KCNIP4: variants seen among roughly 807,000 people sequenced by gnomAD.
The protein encoded by KCNIP4 is Kv channel-interacting protein 4.
KCNIP4 carries 12 observed loss-of-function variants against 34.0 expected under a neutral mutation model. The ratio of observed to expected loss-of-function variants is 0.35; its 90% CI spans 0.23 to 0.57. The LOEUF is 0.57. Among genes scored for constraint, KCNIP4 ranks in the 20% least tolerant of loss-of-function variants. The probability of loss-of-function intolerance (pLI) is 0.83; values close to 1 mark genes in which losing one functional copy is unlikely to be tolerated. For missense variants in KCNIP4, 238 were observed against 311.7 expected, an observed-to-expected ratio of 0.76 and a Z score of 1.78; for synonymous variants, 124 against 102.2, an observed-to-expected ratio of 1.21 and a Z score of -1.29.
chr4:21,221,458 A>G (rs972429219), intron 1 of KCNIP4, among the ~76,000 whole-genome samples: 1 of 152,158 alleles, frequency 6.6e-6, no homozygotes, highest in Non-Finnish European at 1.5e-5. Flanking sequence ...GAAGCAAGGC[A>G]CCTTCTTCAC....
At chr4:21,071,562 A>T (rs1236767403) in intron 1 of KCNIP4, among the ~76,000 whole-genome samples, 3 of 152,136 alleles carry the variant, frequency 2.0e-5, no homozygotes. Context: ...ATTGTAGTAT[A>T]CTTGGCTGTC....
chr4:21,146,437 T>C (rs1337122740), intron 1 of KCNIP4, among the ~76,000 whole-genome samples: 1 of 152,116 alleles, frequency 6.6e-6, no homozygotes, highest in Non-Finnish European at 1.5e-5. Context: ...ATAAGAATTA[T>C]TCAGATTCTA....
chr4:21,834,852 A>C (rs1723222347), intron 1 of KCNIP4, among the ~76,000 whole-genome samples: 2 of 152,258 alleles, frequency 1.3e-5, no homozygotes, highest in South Asian at 4.1e-4. Context: ...TGAGATAATC[A>C]TGTGGTTTTT....
chr4:21,733,157 T>A (rs1021059103), intron 1 of KCNIP4, among the ~76,000 whole-genome samples: 4 of 152,162 alleles, frequency 2.6e-5, no homozygotes, highest in Non-Finnish European at 4.4e-5. Context: ...CTTCTCTTCA[T>A]TTTTTATGCG....
intron 1 of KCNIP4, among the ~76,000 whole-genome samples, chr4:21,117,818 C>T (rs1053594121): frequency 6.6e-6 from 1 of 152,044 alleles, no homozygotes; most frequent in Admixed American, 6.6e-5. Context: ...GGAGCCTCAG[C>T]GCTACAGGCA....
intron 1 of KCNIP4, among the ~76,000 whole-genome samples, chr4:21,723,976 G>A (rs34945659): frequency 0.091 from 13,845 of 152,010 alleles, 661 homozygotes; most frequent in Middle Eastern, 0.17. Flanking sequence ...ATAGCAGAGG[G>A]GGAGGAGCAA....
At chr4:21,618,630 C>CTTTTTTTTTTTTTTTTTTT (rs58967707) in intron 1 of KCNIP4, among the ~76,000 whole-genome samples, 4 of 81,786 alleles carry the variant, frequency 4.9e-5, no homozygotes, top group African/African-American at 9.9e-5. Flanking sequence ...TTTTCTTTTT[C>CTTTTTTTTTTTTTTTTTTT]TTTTTTTTTT....
chr4:21,519,734 A>ACACACGTGTGTGTG (rs1735307302), intron 1 of KCNIP4, among the ~76,000 whole-genome samples: 1 of 115,742 alleles, frequency 8.6e-6, no homozygotes, highest in Non-Finnish European at 1.7e-5. Context: ...ACGTGTGTAT[A>ACACACGTGTGTGTG]TGTATGATAC....
At chr4:21,279,750 G>A (rs1762663631) in intron 1 of KCNIP4, among the ~76,000 whole-genome samples, 2 of 151,914 alleles carry the variant, frequency 1.3e-5, no homozygotes, top group Non-Finnish European at 2.9e-5. Flanking sequence ...AATATCCTTG[G>A]CTAAGTCACG....
chr4:21,003,671 A>G (rs1010400739), intron 1 of KCNIP4, among the ~76,000 whole-genome samples: 2 of 152,222 alleles, frequency 1.3e-5, no homozygotes, highest in African/African-American at 4.8e-5. Flanking sequence ...AGTGGCAGAA[A>G]TATGGTTGGA....
At chr4:20,781,549 A>G (rs964555411) in intron 3 of KCNIP4, among the ~76,000 whole-genome samples, 1 of 152,198 alleles carries the variant, frequency 6.6e-6, no homozygotes, top group African/African-American at 2.4e-5. Context: ...CACTTCTTAC[A>G]TGGTGGCAGC....
chr4:21,727,280 T>A (rs1033778154), intron 1 of KCNIP4, among the ~76,000 whole-genome samples: 1 of 152,124 alleles, frequency 6.6e-6, no homozygotes, highest in African/African-American at 2.4e-5. Flanking sequence ...CCTTCTACCA[T>A]GTGAGGACAT....
In KCNIP4 at chr4:20,868,758, T is replaced by C. The variant is rs374409643; in HGVS notation, c.163+13850A>G. ...TAGGAATAGAAAAACAAATACTGCATGTTCTTACTTGTGAGAGTTAAACAT... is the reference window on the plus strand; with the variant it reads ...TAGGAATAGAAAAACAAATACTGCACGTTCTTACTTGTGAGAGTTAAACAT... On this transcript the variant is annotated intron_variant, in intron 2 of 8. Transcript: ENST00000382152. Among the ~76,000 whole-genome samples, 18 of 152,270 alleles carry C rather than the reference T, an allele frequency of 1.2e-4. 1 individual carries two copies. Among genetic ancestry groups the C allele is most frequent in the African/African-American group, 4.3e-4 (18 of 41,572 alleles).
intron 1 of KCNIP4, among the ~76,000 whole-genome samples, chr4:21,808,838 T>C (rs1350742271): frequency 1.3e-5 from 2 of 152,164 alleles, no homozygotes; most frequent in African/African-American, 2.4e-5. Context: ...CACTCAGCAC[T>C]AGAAGAGAGG....
At chr4:21,596,640 G>A (rs1268803522) in intron 1 of KCNIP4, among the ~76,000 whole-genome samples, 1 of 152,114 alleles carries the variant, frequency 6.6e-6, no homozygotes, top group African/African-American at 2.4e-5. Context: ...TTGAGCCAGG[G>A]AAGAAGAAGA....
chr4:20,755,064 A>C (rs976172721), intron 4 of KCNIP4, among the ~76,000 whole-genome samples: 1 of 152,136 alleles, frequency 6.6e-6, no homozygotes, highest in Admixed American at 6.5e-5. Context: ...ACTCATTATA[A>C]TCCTGGCATC....
At chr4:21,567,396 G>A (rs542357797) in intron 1 of KCNIP4, among the ~76,000 whole-genome samples, 2 of 152,118 alleles carry the variant, frequency 1.3e-5, no homozygotes, top group South Asian at 4.2e-4. Context: ...TATGGAAGGG[G>A]GCCCATTGTC....
intron 1 of KCNIP4, among the ~76,000 whole-genome samples, chr4:21,783,238 T>C (rs1426704775): frequency 6.6e-6 from 1 of 152,200 alleles, no homozygotes; most frequent in Non-Finnish European, 1.5e-5. Context: ...CTAAACAAGT[T>C]TTCTCAGTGC....
intron 3 of KCNIP4, among the ~76,000 whole-genome samples, chr4:20,787,265 A>G (rs1238172741): frequency 1.3e-5 from 2 of 152,166 alleles, no homozygotes; most frequent in South Asian, 2.1e-4. Context: ...ATTCCCTTTC[A>G]AACGCCTACA....
Sources: allele counts gnomAD v4.1 joint callset (sites outside exome capture counted in the v4.1 genomes callset), GRCh38; gene constraint gnomAD v4.1.1; transcripts MANE v1.5; gene names NCBI Gene and HGNC (gene_info 2026-07-23, HGNC 2026-07-21).